The following GALNT14 variants were observed in gnomAD, a reference collection of about 807,000 sequenced individuals.
The protein encoded by GALNT14 is polypeptide N-acetylgalactosaminyltransferase 14.
GALNT14 carries 60 observed loss-of-function variants against 77.5 expected under a neutral mutation model. The observed-to-expected ratio is 0.77, with a 90% CI of 0.63 to 0.96. GALNT14 has a LOEUF of 0.96. Among genes scored for constraint, GALNT14 ranks in the 40% least tolerant of loss-of-function variants. GALNT14 has a pLI of 0.00. For missense variants in GALNT14, 710 were observed against 731.0 expected (o/e 0.97, Z 0.33); for synonymous variants, 280 against 281.7 (o/e 0.99, Z 0.06).
At chr2:31,012,248 T>C (rs1412612258) in intron 1 of GALNT14, among the ~76,000 whole-genome samples, 1 of 152,234 alleles carries the variant, frequency 6.6e-6, no homozygotes, top group Non-Finnish European at 1.5e-5. Context: ...AGTACTGCCC[T>C]GGACTTTTGG....
intron 1 of GALNT14, among the ~76,000 whole-genome samples, chr2:31,024,306 T>C (rs761401656): frequency 1.3e-5 from 2 of 151,990 alleles, no homozygotes; most frequent in Non-Finnish European, 2.9e-5. Context: ...ACAAGTCAGA[T>C]CACATCACAT....
Position 31,060,557 on chromosome 2 carries a change from T to C in GALNT14, c.130-67550A>G, listed in dbSNP as rs10186256. Among the ~76,000 whole-genome samples the C allele has an allele frequency of 4.0e-3, 604 of 152,320 alleles. 4 individuals are homozygous for C. The highest frequency in any genetic ancestry group is 0.014 in the African/African-American group (566 of 41,578). On this transcript the variant is annotated intron_variant, in intron 1 of 14. Transcript: ENST00000349752. ...CATAAAACATTTGCTAACCATTAAC[T>C]ACAGTCCTGCTAATAAATGCTGTAA...
At chr2:31,064,392 T>C (rs1244842671) in intron 1 of GALNT14, among the ~76,000 whole-genome samples, 7 of 152,242 alleles carry the variant, frequency 4.6e-5, no homozygotes, top group Non-Finnish European at 8.8e-5. Context: ...ATCCCAGTGC[T>C]TTCCAGACCT....
chr2:31,084,512 G>A (rs1676315201), intron 1 of GALNT14, among the ~76,000 whole-genome samples: 2 of 152,214 alleles, frequency 1.3e-5, no homozygotes, highest in African/African-American at 2.4e-5. Context: ...AGACTTTAGT[G>A]CCCTGAGGTG....
At chr2:30,949,778 T>C (rs1344401623) in intron 6 of GALNT14, among the ~76,000 whole-genome samples, 1 of 152,176 alleles carries the variant, frequency 6.6e-6, no homozygotes, top group Non-Finnish European at 1.5e-5. Context: ...TCGTGGCAGG[T>C]ACAAGGATGA....
chr2:30,967,073 G>T (rs1668057066), intron 2 of GALNT14, among the ~76,000 whole-genome samples: 1 of 152,274 alleles, frequency 6.6e-6, no homozygotes, highest in South Asian at 2.1e-4. Context: ...TTCGGGGGAT[G>T]TTCAATTATT....
intron 1 of GALNT14, among the ~76,000 whole-genome samples, chr2:31,103,716 C>T (rs1004694858): frequency 4.6e-5 from 7 of 152,230 alleles, no homozygotes; most frequent in Admixed American, 1.3e-4. Flanking sequence ...CCTTTTTCCC[C>T]CTTTGCCTTT....
At chr2:30,960,014 C>T (rs925534487) in intron 3 of GALNT14, among the ~76,000 whole-genome samples, 2 of 152,232 alleles carry the variant, frequency 1.3e-5, no homozygotes, top group African/African-American at 4.8e-5. Context: ...AGGATGCAGA[C>T]TCTACTGGAA....
At chr2:31,067,062 C>G (rs968506109) in intron 1 of GALNT14, among the ~76,000 whole-genome samples, 12 of 152,188 alleles carry the variant, frequency 7.9e-5, no homozygotes, top group Non-Finnish European at 1.5e-4. Flanking sequence ...CTTCCCCCAG[C>G]AGTCTTGGCA....
chr2:31,117,935 G>A (rs1266859125), intron 1 of GALNT14, among the ~76,000 whole-genome samples: 1 of 152,202 alleles, frequency 6.6e-6, no homozygotes, highest in Non-Finnish European at 1.5e-5. Context: ...AGAAGGAGAA[G>A]AATATGGCAG....
intron 1 of GALNT14, among the ~76,000 whole-genome samples, chr2:31,106,212 G>T (rs1677551233): frequency 6.6e-6 from 1 of 152,166 alleles, no homozygotes; most frequent in African/African-American, 2.4e-5. Flanking sequence ...TCAACATTTA[G>T]ATTTAAGTCT....
chr2:30,967,833 G>T, intron 2 of GALNT14, among the ~76,000 whole-genome samples: 1 of 152,158 alleles, frequency 6.6e-6, no homozygotes, highest in East Asian at 1.9e-4. Context: ...AGTTCCTGAT[G>T]TATGAAGTCC....
At position 30,958,300 on chromosome 2, in the gene GALNT14, C is replaced by T; in HGVS notation, c.466+97G>A. The T allele has an allele frequency of 2.8e-6, 3 of 1,057,948 alleles. No homozygotes were observed. The South Asian group carries it at 4.3e-5, about 15-fold the overall frequency. 65.5% of individuals were successfully genotyped at this position (1,057,948 alleles called of 1,614,324 possible). On this transcript the variant is annotated intron_variant, in intron 4 of 14. Transcript: ENST00000349752. ...TACCTATTACAAACCTGGGCTTTTC[C>T]CCATTCCCAGAAAACCAGTGGACTC...
chr2:30,903,775 G>C, the GALNT14 span, among the ~76,000 whole-genome samples: 3 of 152,100 alleles, frequency 2.0e-5, no homozygotes, highest in African/African-American at 4.8e-5. Context: ...TAAATTTCAG[G>C]GTCATTTGTT....
At chr2:30,940,979 T>C (rs1573002433) in intron 9 of GALNT14, among the ~76,000 whole-genome samples, 2 of 152,170 alleles carry the variant, frequency 1.3e-5, no homozygotes, top group Non-Finnish European at 2.9e-5. Context: ...ATGCTGTGGG[T>C]CAGGCCAGAA....
intron 3 of GALNT14, among the ~76,000 whole-genome samples, chr2:30,962,585 C>T (rs1319075980): frequency 6.6e-6 from 1 of 152,178 alleles, no homozygotes; most frequent in Non-Finnish European, 1.5e-5. Context: ...CTTGTTTTCT[C>T]TCTAAGTGAG....
intron 1 of GALNT14, among the ~76,000 whole-genome samples, chr2:31,026,492 G>T (rs1292893360): frequency 2.0e-5 from 3 of 152,178 alleles, no homozygotes; most frequent in African/African-American, 7.2e-5. Flanking sequence ...TGGCTGCCCT[G>T]CCCTGGCTCA....
chr2:30,956,580 C>T lies in GALNT14; in HGVS notation c.467-603G>A, dbSNP rs539517080. On this transcript the variant is annotated intron_variant, in intron 4 of 14. Coordinates refer to ENST00000349752, the MANE Select transcript of GALNT14 (RefSeq NM_024572.4). ...GGAGTTCAGTGGCGCAATCTCTGCT[C>T]ACTACAACTTCCACCTCCTGGGTTC... 7.7e-4 allele frequency among the ~76,000 whole-genome samples: 118 copies of T among 152,338 alleles called. 1 individual carries two copies. Among genetic ancestry groups the T allele is most frequent in the African/African-American group, 2.8e-3 (115 of 41,582 alleles).
At chr2:31,076,629 A>T (rs7584167) in intron 1 of GALNT14, among the ~76,000 whole-genome samples, 10,093 of 101,750 alleles carry the variant, frequency 0.099, 428 homozygotes, top group Middle Eastern at 0.12. Context: ...ATATATATAT[A>T]TTTTTTTTTT....
Sources: allele counts gnomAD v4.1 joint callset (sites outside exome capture counted in the v4.1 genomes callset), GRCh38; gene constraint gnomAD v4.1.1; transcripts MANE v1.5; gene names NCBI Gene and HGNC (gene_info 2026-07-23, HGNC 2026-07-21).